Variants in TENM1 observed in about 807,000 individuals in gnomAD.
TENM1 encodes teneurin-1.
A neutral mutation model predicts 174.8 loss-of-function variants in TENM1; 35 were observed. The observed-to-expected ratio is 0.20, with a 90% CI of 0.15 to 0.27. The LOEUF (loss-of-function observed/expected upper bound fraction) is 0.27, where lower values mean the gene tolerates loss of function less well. Among genes scored for constraint, TENM1 ranks in the 10% least tolerant of loss-of-function variants. The probability of loss-of-function intolerance (pLI) is 1.00; values close to 1 mark genes in which losing one functional copy is unlikely to be tolerated. For synonymous variants in TENM1, 781 were observed against 798.7 expected, an observed-to-expected ratio of 0.98 and a Z score of 0.37; for missense variants, 1,633 against 2,130.1, an observed-to-expected ratio of 0.77 and a Z score of 4.59.
the TENM1 span, among the ~76,000 whole-genome samples, chrX:125,051,616 G>C: frequency 9.3e-6 from 1 of 106,992 alleles, no homozygotes; most frequent in Non-Finnish European, 1.9e-5. Context: ...TTTAATAAAT[G>C]GTGCTGGGAA....
chrX:124,615,379 G>A (rs1319799800), intron 11 of TENM1, among the ~76,000 whole-genome samples: 4 of 111,615 alleles, frequency 3.6e-5, no homozygotes, highest in Non-Finnish European at 3.8e-5. Context: ...ATTTACTCTG[G>A]GTGCTTCATG....
At chrX:124,612,491 C>A (rs5958541) in intron 11 of TENM1, among the ~76,000 whole-genome samples, 8,558 of 110,956 alleles carry the variant, frequency 0.077, 808 homozygotes, top group African/African-American at 0.27. Context: ...ACATTTTTTT[C>A]TAAGAATTAA....
At position 124,774,711 on chromosome X, in the gene TENM1, T is replaced by TG. The variant is rs2054742258; in HGVS notation, c.536-37515_536-37514insC. 4.5e-5 allele frequency among the ~76,000 whole-genome samples: 5 copies of TG among 111,866 alleles called. 1 individual carries two copies. The highest frequency in any genetic ancestry group is 9.3e-3 in the Middle Eastern group (2 of 216). Reference sequence around the variant, plus strand: ...TGCTGAGTCCACACTTCTTATGGGCTACTTCCAGCCAATGACTGTACTAAT... The same window carrying TG: ...TGCTGAGTCCACACTTCTTATGGGCTGACTTCCAGCCAATGACTGTACTAAT... On this transcript the variant is annotated intron_variant, in intron 3 of 31. Transcript: ENST00000422452.
chrX:125,128,775 T>C, the TENM1 span, among the ~76,000 whole-genome samples: 1 of 111,301 alleles, frequency 9.0e-6, no homozygotes, highest in Non-Finnish European at 1.9e-5. Flanking sequence ...AACAATGAGA[T>C]AGTTCATTTA....
At chrX:124,997,379 C>T in the TENM1 span, among the ~76,000 whole-genome samples, 1 of 111,044 alleles carries the variant, frequency 9.0e-6, no homozygotes, top group African/African-American at 3.3e-5. Flanking sequence ...ACTGGATGCT[C>T]AACTACAGAA....
chrX:124,781,798 G>T (rs2054919119), intron 3 of TENM1, among the ~76,000 whole-genome samples: 1 of 110,856 alleles, frequency 9.0e-6, no homozygotes, highest in African/African-American at 3.3e-5. Context: ...CCTGCTTTTA[G>T]TATCTCCTCC....
intron 4 of TENM1, among the ~76,000 whole-genome samples, chrX:124,711,986 T>G (rs2053063282): frequency 8.9e-6 from 1 of 112,148 alleles, no homozygotes; most frequent in African/African-American, 3.2e-5. Context: ...CATAACGTCC[T>G]CCAAGTTCAT....
the TENM1 span, among the ~76,000 whole-genome samples, chrX:124,976,420 G>T: frequency 2.7e-5 from 3 of 111,702 alleles, no homozygotes; most frequent in South Asian, 1.1e-3. Flanking sequence ...CAGAATCTCT[G>T]AAATAAGGTT....
rs2057801834 is a variant in TENM1 at position 124,909,476 on chromosome X, G to A, written c.218-13235C>T. Among the ~76,000 whole-genome samples, 3 of 111,954 alleles carry A rather than the reference G, an allele frequency of 2.7e-5. No individual in the cohort carries two copies. The Admixed American group carries it at 2.8e-4, about 11-fold the overall frequency. ...GGGATATAGCAGCCAGGAGACAATG[G>A]GCACTTCTTTTGTCACTGACAATAT... On this transcript the variant is annotated intron_variant, in intron 1 of 31. Coordinates refer to ENST00000422452, the Ensembl canonical transcript of TENM1.
the TENM1 span, among the ~76,000 whole-genome samples, chrX:125,145,673 C>A: frequency 8.9e-6 from 1 of 111,806 alleles, no homozygotes; most frequent in Non-Finnish European, 1.9e-5. Context: ...GCAAAAAAGA[C>A]AAATTAAAAT....
chrX:124,734,928 A>T (rs1466012718), intron 4 of TENM1, among the ~76,000 whole-genome samples: 2 of 112,084 alleles, frequency 1.8e-5, no homozygotes, highest in African/African-American at 6.5e-5. Context: ...CCCTCACTGT[A>T]TACAAAAATT....
intron 5 of TENM1, among the ~76,000 whole-genome samples, chrX:124,690,575 A>G (rs1341140856): frequency 1.9e-5 from 2 of 108,091 alleles, no homozygotes; most frequent in Non-Finnish European, 3.8e-5. Context: ...TGACCCTCCA[A>G]ATCTCAGGTT....
intron 28 of TENM1, among the ~76,000 whole-genome samples, chrX:124,390,680 A>G (rs1308109763): frequency 8.9e-6 from 1 of 112,441 alleles, no homozygotes; most frequent in African/African-American, 3.2e-5. Context: ...GTTAGTGATC[A>G]GTAGCACTGT....
intron 3 of TENM1, among the ~76,000 whole-genome samples, chrX:124,767,748 G>C (rs1321158052): frequency 9.0e-6 from 1 of 111,083 alleles, no homozygotes; most frequent in African/African-American, 3.3e-5. Context: ...ATTCGACGAC[G>C]TGCATAATAT....
At chrX:125,001,925 TCACACACACACACACACACACACA>T in the TENM1 span, among the ~76,000 whole-genome samples, 1 of 67,271 alleles carries the variant, frequency 1.5e-5, no homozygotes, top group Non-Finnish European at 2.9e-5. Flanking sequence ...TCTAGAGAGA[TCACACACACACACACACACACACA>T]CACACACACA....
chrX:124,652,079 C>T, exon 8 of TENM1: 1 of 1,210,837 alleles, frequency 8.3e-7, no homozygotes, highest in Non-Finnish European at 1.1e-6. Flanking sequence ...CCCTTGGAGT[C>T]CTGCTTGACC....
rs112905416 is a variant in TENM1 at position 124,473,904 on chromosome X, T to C, written c.3949+7828A>G. 7.0e-3 allele frequency among the ~76,000 whole-genome samples: 779 copies of C among 111,762 alleles called. 6 individuals are homozygous for C. Among genetic ancestry groups the C allele is most frequent in the African/African-American group, 0.024 (740 of 30,775 alleles). ...GGGAATTACTTTAGTTAGATGGGCC[T>C]TGTGGGGCTCCCCAAAATATAACAT... On this transcript the variant is annotated intron_variant, in intron 22 of 31. Coordinates refer to ENST00000422452, the Ensembl canonical transcript of TENM1.
intron 15 of TENM1, among the ~76,000 whole-genome samples, chrX:124,531,320 C>A: frequency 9.1e-6 from 1 of 109,333 alleles, no homozygotes; most frequent in Non-Finnish European, 1.9e-5. Context: ...GGCTCATGGC[C>A]ACAAACATCA....
intron 5 of TENM1, among the ~76,000 whole-genome samples, chrX:124,698,591 T>C (rs1181465309): frequency 9.0e-6 from 1 of 111,215 alleles, no homozygotes; most frequent in Non-Finnish European, 1.9e-5. Context: ...GGGTGATTTT[T>C]CTAAATGTAA....
Sources: allele counts gnomAD v4.1 joint callset (sites outside exome capture counted in the v4.1 genomes callset), GRCh38; gene constraint gnomAD v4.1.1; transcripts MANE v1.5; gene names NCBI Gene and HGNC (gene_info 2026-07-23, HGNC 2026-07-21).